Variants in ZFHX3 observed in about 807,000 individuals in gnomAD.
The protein encoded by ZFHX3 is zinc finger homeobox 3.
A neutral mutation model predicts 279.1 loss-of-function variants in ZFHX3; 42 were observed. The ratio of observed to expected loss-of-function variants is 0.15; its 90% CI spans 0.12 to 0.19. The LOEUF (loss-of-function observed/expected upper bound fraction) is 0.19. Among genes scored for constraint, ZFHX3 ranks in the 10% least tolerant of loss-of-function variants. ZFHX3 has a pLI of 1.00. For synonymous variants in ZFHX3, 2,293 were observed against 1,957.8 expected (o/e 1.17, Z -4.52); for missense variants, 4,981 against 4,754.0 (o/e 1.05, Z -1.40).
intron 1 of ZFHX3, among the ~76,000 whole-genome samples, chr16:72,982,929 G>C (rs1962673032): frequency 6.6e-6 from 1 of 152,208 alleles, no homozygotes; most frequent in Non-Finnish European, 1.5e-5. Context: ...ACTCAGAGGA[G>C]CTCATGTCAA....
At chr16:72,946,541 T>C (rs1960686083) in intron 3 of ZFHX3, among the ~76,000 whole-genome samples, 1 of 152,154 alleles carries the variant, frequency 6.6e-6, no homozygotes, top group African/African-American at 2.4e-5. Flanking sequence ...GGTGGGAGTG[T>C]GCACTGATTT....
chr16:73,714,421 T>G (rs2053394565), intron 1 of ZFHX3, among the ~76,000 whole-genome samples: 1 of 152,132 alleles, frequency 6.6e-6, no homozygotes, highest in Admixed American at 6.5e-5. Context: ...CTTCAGATGC[T>G]TTCTCTACAG....
chr16:72,885,924 T>C (rs1382015529), intron 4 of ZFHX3, among the ~76,000 whole-genome samples: 1 of 152,144 alleles, frequency 6.6e-6, no homozygotes, highest in African/African-American at 2.4e-5. Context: ...CAGGATGACA[T>C]TTCTAGCTGA....
intron 1 of ZFHX3, among the ~76,000 whole-genome samples, chr16:73,886,666 G>A (rs1056287510): frequency 1.1e-4 from 16 of 152,140 alleles, no homozygotes; most frequent in African/African-American, 3.6e-4. Context: ...GAGTTTTTTC[G>A]CCTCACAACA....
At chr16:73,480,196 T>C (rs2018840485) in intron 2 of ZFHX3, among the ~76,000 whole-genome samples, 2 of 152,206 alleles carry the variant, frequency 1.3e-5, no homozygotes, top group South Asian at 4.1e-4. Flanking sequence ...TTTGAAATGT[T>C]TTTAAGGGTT....
intron 1 of ZFHX3, among the ~76,000 whole-genome samples, chr16:73,682,204 A>C (rs1345364781): frequency 6.6e-6 from 1 of 152,250 alleles, no homozygotes; most frequent in Admixed American, 6.5e-5. Context: ...ATTGTTTAGC[A>C]GAGTGCCACT....
At chr16:73,459,216 T>G (rs557973061) in intron 2 of ZFHX3, among the ~76,000 whole-genome samples, 2 of 152,368 alleles carry the variant, frequency 1.3e-5, no homozygotes, top group African/African-American at 4.8e-5. Flanking sequence ...AGATAATTGT[T>G]GATTCACACG....
intron 2 of ZFHX3, among the ~76,000 whole-genome samples, chr16:73,572,966 A>C (rs1435346883): frequency 6.6e-6 from 1 of 152,146 alleles, no homozygotes; most frequent in African/African-American, 2.4e-5. Context: ...AAAACTAGCC[A>C]CAAGACCGCT....
At chr16:72,967,264 G>C (rs560699801) in intron 1 of ZFHX3, among the ~76,000 whole-genome samples, 27 of 152,282 alleles carry the variant, frequency 1.8e-4, no homozygotes, top group African/African-American at 3.4e-4. Flanking sequence ...GGCTGGAGCA[G>C]GAAAAGTTCA....
intron 2 of ZFHX3, among the ~76,000 whole-genome samples, chr16:73,458,337 C>CCTTCCTCCCTCG (rs2018411320): frequency 6.8e-6 from 1 of 146,368 alleles, no homozygotes; most frequent in African/African-American, 2.5e-5. Context: ...TTCCTCCCTC[C>CCTTCCTCCCTCG]CTTCCTCCCT....
chr16:73,489,264 A>C (rs1281393917), intron 2 of ZFHX3, among the ~76,000 whole-genome samples: 1 of 152,314 alleles, frequency 6.6e-6, no homozygotes, highest in South Asian at 2.1e-4. Flanking sequence ...GAAAATCTTG[A>C]TGCACATTCA....
chr16:73,370,080 A>T (rs8056680), intron 3 of ZFHX3, among the ~76,000 whole-genome samples: 9,132 of 152,228 alleles, frequency 0.06, 899 homozygotes, highest in African/African-American at 0.21. Flanking sequence ...TCCCACCCCC[A>T]GTCTTCCGGC....
chr16:72,897,984 T>C (rs1026458083), intron 3 of ZFHX3, among the ~76,000 whole-genome samples: 1 of 152,176 alleles, frequency 6.6e-6, no homozygotes, highest in African/African-American at 2.4e-5. Context: ...GGTGTTCACC[T>C]TGAATGCCTA....
chr16:73,157,078 C>T (rs973336524), intron 5 of ZFHX3, among the ~76,000 whole-genome samples: 5 of 152,028 alleles, frequency 3.3e-5, no homozygotes, highest in South Asian at 2.1e-4. Flanking sequence ...ATATAAGCCA[C>T]GTTTCTAAAG....
chr16:72,936,986 C>T lies in ZFHX3; in HGVS notation c.3216+13483G>A, dbSNP rs142187356. On this transcript the variant is annotated intron_variant, in intron 3 of 9. Transcript: ENST00000268489. The stretch of plus-strand genomic sequence containing the variant: ...TGCTGATGGTTTGGCTGTAGGGGAG[C>T]AAAAGACAAGGAGCCCCACAGATAG... Among the ~76,000 whole-genome samples the T allele has an allele frequency of 1.5e-3, 230 of 152,132 alleles. 1 individual carries two copies. The highest frequency in any genetic ancestry group is 5.4e-3 in the African/African-American group (225 of 41,492).
intron 1 of ZFHX3, among the ~76,000 whole-genome samples, chr16:73,725,078 AG>A (rs1226596516): frequency 1.7e-4 from 26 of 152,214 alleles, no homozygotes; most frequent in Admixed American, 1.7e-3. Context: ...CTCACCAGAA[AG>A]GGCCTCAGTC....
intron 3 of ZFHX3, among the ~76,000 whole-genome samples, chr16:73,348,320 A>T (rs1294465842): frequency 6.6e-6 from 1 of 152,206 alleles, no homozygotes; most frequent in Non-Finnish European, 1.5e-5. Context: ...AACTGGGAGC[A>T]GCTCCGTTAA....
chr16:72,878,749 G>C (rs1157962928), intron 4 of ZFHX3, among the ~76,000 whole-genome samples: 2 of 152,152 alleles, frequency 1.3e-5, no homozygotes, highest in Non-Finnish European at 2.9e-5. Context: ...GACGCAGTGG[G>C]AAGAGCACAG....
At chr16:73,226,404 C>T (rs73597353) in intron 5 of ZFHX3, among the ~76,000 whole-genome samples, 29,480 of 152,256 alleles carry the variant, frequency 0.19, 4,699 homozygotes, top group East Asian at 0.44. Flanking sequence ...GTTTAAAGCG[C>T]ATGCTATTTT....
Sources: allele counts gnomAD v4.1 joint callset (sites outside exome capture counted in the v4.1 genomes callset), GRCh38; gene constraint gnomAD v4.1.1; transcripts MANE v1.5; gene names NCBI Gene and HGNC (gene_info 2026-07-23, HGNC 2026-07-21).